BRAF: variants seen among roughly 807,000 people sequenced by gnomAD.
BRAF encodes B-Raf proto-oncogene, serine/threonine kinase.
BRAF carries 16 observed loss-of-function variants against 104.6 expected under a neutral mutation model. The observed-to-expected ratio is 0.15, with a 90% confidence interval of 0.10 to 0.23. The LOEUF is 0.23. BRAF is among the 10% of genes least tolerant of loss of function. The pLI, the probability that BRAF is intolerant of heterozygous loss-of-function variation, is 1.00. For synonymous variants in BRAF, 310 were observed against 341.6 expected (o/e 0.91, Z 1.02); for missense variants, 541 against 937.3 (o/e 0.58, Z 5.52).
intron 14 of BRAF, among the ~76,000 whole-genome samples, chr7:140,761,753 A>G (rs1798763155): frequency 6.6e-6 from 1 of 152,222 alleles, no homozygotes; most frequent in Non-Finnish European, 1.5e-5. Context: ...TCTCTGATAA[A>G]ACAGACTTTA....
intron 3 of BRAF, among the ~76,000 whole-genome samples, chr7:140,818,137 G>A (rs1419977738): frequency 6.6e-6 from 1 of 151,994 alleles, no homozygotes; most frequent in African/African-American, 2.4e-5. Context: ...GTCTTTTTGG[G>A]GACAAGATGG....
At chr7:140,883,318 A>G (rs1274183494) in intron 1 of BRAF, among the ~76,000 whole-genome samples, 2 of 152,088 alleles carry the variant, frequency 1.3e-5, no homozygotes, top group Non-Finnish European at 2.9e-5. Flanking sequence ...CCACAGGGCA[A>G]TTTTGTTTTT....
At position 140,722,736 on chromosome 7, in the gene BRAF, G is replaced by A. The variant is rs991382542; in HGVS notation, c.*3758C>T. 3.8e-6 allele frequency: 4 copies of A among 1,050,592 alleles called. No homozygotes were observed. The highest frequency in any genetic ancestry group is 3.4e-6 in the Non-Finnish European group (3 of 870,204). 65.1% of individuals were successfully genotyped at this position (1,050,592 alleles called of 1,614,324 possible). A position where few individuals can be genotyped will look rare whatever the true frequency, so the allele number is the denominator to read the frequency against. On this transcript the variant is annotated 3_prime_UTR_variant, in exon 20 of 20. Coordinates refer to ENST00000644969, the MANE Select transcript of BRAF (RefSeq NM_001374258.1). ...GACAAAGCTGCAGCAAACTCATTAT[G>A]AGGATGTACTGTCATGCCAAGCCTA... is the stretch of plus-strand genomic sequence containing the variant.
At chr7:140,910,736 GTGAT>G (rs1816874157) in intron 1 of BRAF, among the ~76,000 whole-genome samples, 1 of 152,102 alleles carries the variant, frequency 6.6e-6, no homozygotes, top group African/African-American at 2.4e-5. Context: ...GTGCAGTGGT[GTGAT>G]CATAGCTCAC....
Position 140,725,289 on chromosome 7 carries a change from T to C in BRAF, c.*1205A>G, listed in dbSNP as rs1795537866. 9.6e-7 allele frequency: 1 copy of C among 1,038,110 alleles called. No homozygotes were observed. Among genetic ancestry groups the C allele is most frequent in the Middle Eastern group, 4.4e-4 (1 of 2,252 alleles). The allele number at this position is 1,038,110 out of a possible 1,614,324, so 64.3% of individuals were successfully genotyped here. On this transcript the variant is annotated 3_prime_UTR_variant, in exon 20 of 20. Transcript: ENST00000644969. ...GTGTGGATCCAGCAAGTACCATTAA[T>C]TGAAAAATTATAAATATTTGTCATT...
intron 4 of BRAF, 97 bp downstream of exon 4, chr7:140,808,795 C>A (rs1803923588): frequency 2.0e-6 from 2 of 986,272 alleles, no homozygotes; most frequent in Admixed American, 3.7e-5. Context: ...AGTACACTTT[C>A]AATTCCCTAG....
chr7:140,733,278 G>T (rs1293082923), intron 19 of BRAF: 1 of 152,082 alleles, frequency 6.6e-6, no homozygotes, highest in African/African-American at 2.4e-5. Context: ...CTTCTTTATT[G>T]ACTTCAAGGA....
intron 1 of BRAF, among the ~76,000 whole-genome samples, chr7:140,859,283 C>T (rs1321460466): frequency 1.3e-5 from 2 of 152,160 alleles, no homozygotes; most frequent in African/African-American, 4.8e-5. Flanking sequence ...CAAGAAAAGG[C>T]TGATCAGCCA....
intron 10 of BRAF, 147 bp from the exon 10 acceptor site, chr7:140,783,304 AG>A (rs1801057160): frequency 5.3e-6 from 5 of 940,820 alleles, no homozygotes; most frequent in Non-Finnish European, 7.8e-6. Flanking sequence ...TGGGCCAAAA[AG>A]GGGCCTCATT....
At chr7:140,775,652 T>C (rs1181244175) in intron 14 of BRAF, among the ~76,000 whole-genome samples, 1 of 152,250 alleles carries the variant, frequency 6.6e-6, no homozygotes, top group African/African-American at 2.4e-5. Flanking sequence ...ATTTTAATTC[T>C]TTAAAAGCCT....
chr7:140,749,193 C>A (rs2128993978), intron 17 of BRAF, 94 bp downstream of exon 16: 1 of 1,544,736 alleles, frequency 6.5e-7, no homozygotes, highest in Non-Finnish European at 8.9e-7. Context: ...GAAATCTATC[C>A]TTCACGCTTA....
At chr7:140,878,978 G>T (rs186969938) in intron 1 of BRAF, among the ~76,000 whole-genome samples, 4 of 151,900 alleles carry the variant, frequency 2.6e-5, no homozygotes, top group African/African-American at 9.7e-5. Context: ...AGGTTTAAGC[G>T]ATTCTCCTGC....
intron 1 of BRAF, among the ~76,000 whole-genome samples, chr7:140,923,423 AC>A (rs1329944984): frequency 1.3e-5 from 2 of 152,222 alleles, no homozygotes; most frequent in South Asian, 2.1e-4. Context: ...TAATAAAAAA[AC>A]GTAAATAATT....
intron 3 of BRAF, among the ~76,000 whole-genome samples, chr7:140,832,618 C>T (rs1175940960): frequency 6.6e-6 from 1 of 152,132 alleles, no homozygotes; most frequent in Non-Finnish European, 1.5e-5. Flanking sequence ...TCACGATATA[C>T]AGTTTTTCTG....
intron 14 of BRAF, 79 bp downstream of exon 13, chr7:140,776,833 G>C (rs2129017976): frequency 7.1e-7 from 1 of 1,403,820 alleles, no homozygotes; most frequent in East Asian, 2.3e-5. Flanking sequence ...CAATCCAAAA[G>C]AATAGCAGCC....
At chr7:140,713,976 C>G in the BRAF span, among the ~76,000 whole-genome samples, 4 of 152,142 alleles carry the variant, frequency 2.6e-5, no homozygotes, top group Non-Finnish European at 1.5e-5. Context: ...AAAGTTTTGT[C>G]TCAGAGGAGT....
At chr7:140,802,747 A>T (rs867876713) in intron 5 of BRAF, among the ~76,000 whole-genome samples, 12 of 152,222 alleles carry the variant, frequency 7.9e-5, no homozygotes, top group Non-Finnish European at 1.3e-4. Flanking sequence ...TCAAGAGTCA[A>T]AAAGTTAAAA....
At chr7:140,770,527 CAAAA>C (rs35621209) in intron 14 of BRAF, among the ~76,000 whole-genome samples, 4 of 63,584 alleles carry the variant, frequency 6.3e-5, no homozygotes, top group African/African-American at 1.8e-4. Context: ...TAAGGCCTGC[CAAAA>C]AAAAAAAAAA....
In BRAF at chr7:140,725,756, A is replaced by C. The variant is rs1056164576; in HGVS notation, c.*738T>G. On this transcript the variant is annotated 3_prime_UTR_variant, in exon 20 of 20. Coordinates refer to ENST00000644969, the MANE Select transcript of BRAF (RefSeq NM_001374258.1). ...TGCTGGACCCAATGAGAAAGAAGGC[A>C]ATGTGTGCCAGCACTATCTAGCCTG... 1 of 1,061,322 alleles carries C rather than the reference A, an allele frequency of 9.4e-7. No homozygotes were observed. The highest frequency in any genetic ancestry group is 4.6e-5 in the South Asian group (1 of 21,966). The allele number at this position is 1,061,322 out of a possible 1,614,324, so 65.7% of individuals were successfully genotyped here. A position where few individuals can be genotyped will look rare whatever the true frequency, so the allele number is the denominator to read the frequency against.
Sources: gnomAD v4.1 joint callset for allele counts (sites outside exome capture counted in the v4.1 genomes callset) on GRCh38, gnomAD v4.1.1 for gene constraint, MANE v1.5 for transcripts, NCBI Gene and HGNC (gene_info 2026-07-23, HGNC 2026-07-21) for gene names.